MPDZ: variants seen among roughly 807,000 people sequenced by gnomAD.
MPDZ encodes multiple PDZ domain protein.
In MPDZ, 234 loss-of-function variants were observed where a neutral mutation model predicts 239.1. That is an observed-to-expected ratio of 0.98 (90% CI 0.88 to 1.09). The LOEUF (loss-of-function observed/expected upper bound fraction) is 1.09, where lower values mean the gene tolerates loss of function less well. Ranked by LOEUF, MPDZ falls within the 50% of genes least tolerant of loss-of-function variation. The pLI, the probability that MPDZ is intolerant of heterozygous loss-of-function variation, is 0.00. For synonymous variants in MPDZ, 1,048 were observed against 881.3 expected, an observed-to-expected ratio of 1.19 and a Z score of -3.35; for missense variants, 3,175 against 2,510.0, an observed-to-expected ratio of 1.26 and a Z score of -5.66.
chr9:13,173,225 C>T (rs1248215426), intron 21 of MPDZ, among the ~76,000 whole-genome samples: 1 of 152,096 alleles, frequency 6.6e-6, no homozygotes, highest in Non-Finnish European at 1.5e-5. Flanking sequence ...TGTGAGTGCA[C>T]TTAATGCCAC....
chr9:13,228,192 G>A (rs1176864784), intron 3 of MPDZ, among the ~76,000 whole-genome samples: 3 of 152,092 alleles, frequency 2.0e-5, no homozygotes, highest in Non-Finnish European at 4.4e-5. Flanking sequence ...AAATGAGCAA[G>A]AGTCACCAAA....
intron 34 of MPDZ, among the ~76,000 whole-genome samples, chr9:13,126,015 AGCTT>A (rs1264871883): frequency 1.3e-5 from 2 of 152,186 alleles, no homozygotes; most frequent in Admixed American, 1.3e-4. Flanking sequence ...AAGGAAACAA[AGCTT>A]TTTTCTGGCA....
chr9:13,232,914 G>A (rs56113801), intron 3 of MPDZ, among the ~76,000 whole-genome samples: 2 of 145,000 alleles, frequency 1.4e-5, no homozygotes, highest in African/African-American at 5.0e-5. Context: ...ATATCCAAAT[G>A]ACCAATCCCA....
chr9:13,190,722 A>T (rs1954797414), intron 15 of MPDZ, among the ~76,000 whole-genome samples: 1 of 152,182 alleles, frequency 6.6e-6, no homozygotes, highest in Admixed American at 6.6e-5. Flanking sequence ...ACTCTATACA[A>T]ATAAGAGTTC....
At chr9:13,111,427 T>G (rs1022350969) in intron 43 of MPDZ, among the ~76,000 whole-genome samples, 4 of 152,204 alleles carry the variant, frequency 2.6e-5, no homozygotes, top group African/African-American at 9.6e-5. Context: ...TGAGACCTAT[T>G]TGAGGTATGA....
chr9:13,259,430 G>A (rs909433910), intron 1 of MPDZ, among the ~76,000 whole-genome samples: 1 of 152,110 alleles, frequency 6.6e-6, no homozygotes, highest in African/African-American at 2.4e-5. Context: ...AATACACATG[G>A]GGCACTTACA....
chr9:13,247,891 T>A, intron 2 of MPDZ, 90 bp from the exon 3 acceptor site: 1 of 1,238,044 alleles, frequency 8.1e-7, no homozygotes, highest in Non-Finnish European at 1.1e-6. Context: ...ATTCTAAAAC[T>A]ATTTCTATTG....
At chr9:13,172,387 G>GTTTT (rs34008117) in intron 21 of MPDZ, among the ~76,000 whole-genome samples, 5 of 145,558 alleles carry the variant, frequency 3.4e-5, no homozygotes, top group African/African-American at 5.0e-5. Context: ...TTTGTTTTTT[G>GTTTT]TTTTTTTTTT....
At chr9:13,238,342 G>A (rs1964597315) in intron 3 of MPDZ, among the ~76,000 whole-genome samples, 1 of 152,160 alleles carries the variant, frequency 6.6e-6, no homozygotes, top group Admixed American at 6.5e-5. Flanking sequence ...TTACAGTGGG[G>A]TGACCAGCCT....
At chr9:13,251,537 ACAGT>A (rs1399599784) in intron 1 of MPDZ, among the ~76,000 whole-genome samples, 3 of 152,236 alleles carry the variant, frequency 2.0e-5, no homozygotes, top group Non-Finnish European at 4.4e-5. Flanking sequence ...CATGAGGAAG[ACAGT>A]CAGTCAGTCA....
intron 24 of MPDZ, among the ~76,000 whole-genome samples, chr9:13,157,083 T>TTAAATGTG (rs1949919823): frequency 6.6e-6 from 1 of 152,220 alleles, no homozygotes; most frequent in Admixed American, 6.5e-5. Flanking sequence ...GGCTGCAGGT[T>TTAAATGTG]ATCACTGGTG....
At chr9:13,122,635 C>T (rs1234319436) in intron 36 of MPDZ, among the ~76,000 whole-genome samples, 2 of 151,820 alleles carry the variant, frequency 1.3e-5, no homozygotes, top group African/African-American at 2.4e-5. Flanking sequence ...ATTCTCCTGC[C>T]TCAACCTCCC....
intron 13 of MPDZ, among the ~76,000 whole-genome samples, chr9:13,194,007 C>T (rs1484744955): frequency 6.6e-6 from 1 of 152,114 alleles, no homozygotes; most frequent in African/African-American, 2.4e-5. Context: ...TATCACCTGA[C>T]TTTGAAATCT....
intron 1 of MPDZ, among the ~76,000 whole-genome samples, chr9:13,256,647 A>G (rs1445246570): frequency 6.6e-6 from 1 of 152,216 alleles, no homozygotes; most frequent in East Asian, 1.9e-4. Flanking sequence ...GAACATGTGC[A>G]ACATTTATTA....
At chr9:13,141,097 GAAAA>G (rs57261600) in intron 27 of MPDZ, among the ~76,000 whole-genome samples, 3 of 130,058 alleles carry the variant, frequency 2.3e-5, no homozygotes, top group Admixed American at 7.8e-5. Flanking sequence ...GTCCTATTTC[GAAAA>G]AAAAAAAAAA....
chr9:13,135,627 C>T (rs1465412941), intron 31 of MPDZ: 2 of 152,622 alleles, frequency 1.3e-5, no homozygotes, highest in Non-Finnish European at 2.9e-5. Flanking sequence ...TGATCTGACC[C>T]TGTCCCCTTT....
chr9:13,234,568 T>G (rs533191040), intron 3 of MPDZ, among the ~76,000 whole-genome samples: 1 of 152,260 alleles, frequency 6.6e-6, no homozygotes, highest in East Asian at 1.9e-4. Flanking sequence ...ATGACCAAAA[T>G]ACTTATGTTT....
At chr9:13,183,235 A>G (rs1953608386) in intron 19 of MPDZ, among the ~76,000 whole-genome samples, 183 bp downstream of exon 19, 1 of 152,042 alleles carries the variant, frequency 6.6e-6, no homozygotes, top group African/African-American at 2.4e-5. Context: ...GTTTCTAGTA[A>G]TCTGAAAGCT....
chr9:13,266,289 C>G (rs569682305), intron 1 of MPDZ, among the ~76,000 whole-genome samples: 65 of 152,158 alleles, frequency 4.3e-4, no homozygotes, highest in Non-Finnish European at 8.4e-4. Context: ...GGGAAGAAAA[C>G]AGCATTTTGG....
Sources: allele counts gnomAD v4.1 joint callset (sites outside exome capture counted in the v4.1 genomes callset), GRCh38; gene constraint gnomAD v4.1.1; transcripts MANE v1.5; gene names NCBI Gene and HGNC (gene_info 2026-07-23, HGNC 2026-07-21).